Variants in LRRC20 observed in about 807,000 individuals in gnomAD.
LRRC20 encodes the protein leucine-rich repeat-containing protein 20.
LRRC20 carries 11 observed loss-of-function variants against 14.4 expected under a neutral mutation model. That is an observed-to-expected ratio of 0.77 (90% CI 0.48 to 1.27). LRRC20 has a LOEUF of 1.27. Ranked by LOEUF, LRRC20 falls within the 50% of genes most tolerant of loss-of-function variation. The pLI is 0.00. For synonymous variants in LRRC20, 121 were observed against 107.3 expected, an observed-to-expected ratio of 1.13 and a Z score of -0.79; for missense variants, 219 against 251.2, an observed-to-expected ratio of 0.87 and a Z score of 0.87.
chr10:70,369,320 G>C (rs1301543231), intron 2 of LRRC20, among the ~76,000 whole-genome samples: 1 of 152,104 alleles, frequency 6.6e-6, no homozygotes, highest in African/African-American at 2.4e-5. Context: ...AGGGTGGATG[G>C]GGAAAAGCAG....
At chr10:70,312,320 G>A (rs528287314) in intron 4 of LRRC20, among the ~76,000 whole-genome samples, 1 of 152,306 alleles carries the variant, frequency 6.6e-6, no homozygotes, top group East Asian at 1.9e-4. Flanking sequence ...CAAGCAGACT[G>A]TGGTAACCTG....
At chr10:70,368,877 C>T (rs1844143488) in intron 2 of LRRC20, among the ~76,000 whole-genome samples, 2 of 152,158 alleles carry the variant, frequency 1.3e-5, no homozygotes, top group Non-Finnish European at 2.9e-5. Flanking sequence ...CCCGCCTCAG[C>T]GTCCCAAAGT....
At chr10:70,380,630 A>G (rs1047725226) in intron 1 of LRRC20, among the ~76,000 whole-genome samples, 2 of 152,266 alleles carry the variant, frequency 1.3e-5, no homozygotes, top group South Asian at 2.1e-4. Context: ...GGTAGGCCTT[A>G]GAAAATGTCA....
intron 2 of LRRC20, among the ~76,000 whole-genome samples, chr10:70,349,610 C>T (rs1249294110): frequency 6.6e-6 from 1 of 152,110 alleles, no homozygotes; most frequent in African/African-American, 2.4e-5. Context: ...ATAAACACAG[C>T]TAACAGCACT....
intron 2 of LRRC20, among the ~76,000 whole-genome samples, chr10:70,357,498 G>A (rs1437744462): frequency 2.6e-5 from 4 of 152,192 alleles, no homozygotes; most frequent in Admixed American, 2.0e-4. Flanking sequence ...GCTGCTATGA[G>A]GATGCAAAAG....
chr10:70,324,128 G>A, intron 3 of LRRC20, 98 bp from the exon 4 acceptor site: 2 of 1,140,398 alleles, frequency 1.8e-6, no homozygotes, highest in South Asian at 1.3e-5. Flanking sequence ...CCTGGGCCAG[G>A]AAGGCACAGA....
intron 3 of LRRC20, among the ~76,000 whole-genome samples, chr10:70,336,124 T>C (rs1842719951): frequency 6.6e-6 from 1 of 152,178 alleles, no homozygotes; most frequent in African/African-American, 2.4e-5. Flanking sequence ...CTAAATGACA[T>C]GATACAGGGA....
chr10:70,339,454 G>A (rs7095736), intron 3 of LRRC20, among the ~76,000 whole-genome samples: 84,601 of 151,986 alleles, frequency 0.56, 23,742 homozygotes, highest in African/African-American at 0.62. Flanking sequence ...TCCAGGGCAG[G>A]CAGGTGAGAG....
intron 2 of LRRC20, among the ~76,000 whole-genome samples, chr10:70,348,170 G>A (rs576154950): frequency 9.2e-5 from 14 of 152,242 alleles, no homozygotes; most frequent in Non-Finnish European, 1.9e-4. Context: ...GAACAGCCTG[G>A]CTGCCACCAA....
At chr10:70,364,764 C>A (rs1003041659) in intron 2 of LRRC20, among the ~76,000 whole-genome samples, 1 of 152,200 alleles carries the variant, frequency 6.6e-6, no homozygotes, top group African/African-American at 2.4e-5. Flanking sequence ...GGTGGACACA[C>A]CCCTCGCGCT....
intron 2 of LRRC20, among the ~76,000 whole-genome samples, chr10:70,368,847 T>C (rs576374971): frequency 6.6e-6 from 1 of 152,254 alleles, no homozygotes. Context: ...GGTCTCGAAC[T>C]CCTGGCCTCA....
At chr10:70,366,354 C>T (rs1229212356) in intron 2 of LRRC20, among the ~76,000 whole-genome samples, 3 of 149,410 alleles carry the variant, frequency 2.0e-5, no homozygotes, top group Non-Finnish European at 4.5e-5. Flanking sequence ...ACCTGGGAGG[C>T]GGAGGTTTCA....
chr10:70,377,488 C>CA (rs1844551548), intron 1 of LRRC20, among the ~76,000 whole-genome samples: 1 of 152,122 alleles, frequency 6.6e-6, no homozygotes, highest in South Asian at 2.1e-4. Flanking sequence ...AGAATAGGGT[C>CA]AGCCCAGCTC....
At position 70,300,616 on chromosome 10, in the gene LRRC20, C is replaced by T. The variant is rs191676563; in HGVS notation, c.*738G>A. 307 of 985,560 alleles carry T rather than the reference C, an allele frequency of 3.1e-4. 1 individual carries two copies. In the African/African-American group the frequency reaches 4.2e-3, roughly 13 times the overall value. 61.1% of individuals were successfully genotyped at this position (985,560 alleles called of 1,614,324 possible). A position where few individuals can be genotyped will look rare whatever the true frequency, so the allele number is the denominator to read the frequency against. On this transcript the variant is annotated 3_prime_UTR_variant, in exon 5 of 5. Coordinates refer to ENST00000446961, the MANE Select transcript of LRRC20 (RefSeq NM_001278212.2). Reference sequence around the variant, plus strand: ...CAGCTCAGGAGTGATGCTAGAGGGACGGAGCACTCAGGACTTCCCACCCCG... The same window carrying T: ...CAGCTCAGGAGTGATGCTAGAGGGATGGAGCACTCAGGACTTCCCACCCCG...
In LRRC20 at chr10:70,324,045, G is replaced by A; in HGVS notation, c.233-15C>T. 6.2e-7 allele frequency: 1 copy of A among 1,613,030 alleles called. No individual in the cohort carries two copies. The highest frequency in any genetic ancestry group is 8.5e-7 in the Non-Finnish European group (1 of 1,179,748). On this transcript the variant is annotated splice_polypyrimidine_tract_variant and intron_variant, in intron 3 of 4. Transcript: ENST00000446961. ...CAGGTGGAGCTCTGCCACGTGCAGG[G>A]AAGGAGAGAGAACAGGATGAGGAGG...
chr10:70,381,808 TGGGACGTGAG>T (rs1844717668), intron 1 of LRRC20: 1 of 152,340 alleles, frequency 6.6e-6, no homozygotes, highest in South Asian at 2.1e-4. Flanking sequence ...AGAAGCCCGC[TGGGACGTGAG>T]CGGGACCTGC....
intron 4 of LRRC20, among the ~76,000 whole-genome samples, chr10:70,305,743 ATTT>A (rs34994675): frequency 6.9e-6 from 1 of 144,744 alleles, no homozygotes; most frequent in African/African-American, 2.6e-5. Flanking sequence ...AGATTTGCCA[ATTT>A]TTTTTTTTTT....
intron 2 of LRRC20, among the ~76,000 whole-genome samples, chr10:70,374,807 C>T (rs1844449337): frequency 6.6e-6 from 1 of 152,300 alleles, no homozygotes; most frequent in Non-Finnish European, 1.5e-5. Flanking sequence ...GGTCTCGCCA[C>T]CAGCTTTTGG....
Position 70,317,659 on chromosome 10 carries a change from G to A in LRRC20, c.400+6204C>T, listed in dbSNP as rs142144381. On this transcript the variant is annotated intron_variant, in intron 4 of 4. Coordinates refer to ENST00000446961, the MANE Select transcript of LRRC20 (RefSeq NM_001278212.2). Reference sequence around the variant, plus strand: ...CTCATAAAGTGCTGGGATTACAGGCGTGAGCCCCCAGGTCCAGTCAGGCGT... The same window carrying A: ...CTCATAAAGTGCTGGGATTACAGGCATGAGCCCCCAGGTCCAGTCAGGCGT... 8.7e-3 allele frequency among the ~76,000 whole-genome samples: 1,320 copies of A among 152,284 alleles called. 20 individuals are homozygous for A. The highest frequency in any genetic ancestry group is 0.03 in the African/African-American group (1,266 of 41,556).
Sources: gnomAD v4.1 joint callset for allele counts (sites outside exome capture counted in the v4.1 genomes callset) on GRCh38, gnomAD v4.1.1 for gene constraint, MANE v1.5 for transcripts, NCBI Gene and HGNC (gene_info 2026-07-23, HGNC 2026-07-21) for gene names.